ACSF3: variants seen among roughly 807,000 people sequenced by gnomAD.
ACSF3 encodes the protein acyl-CoA synthetase family member 3, also known as malonate--CoA ligase ACSF3, mitochondrial.
Under a neutral mutation model 53.2 loss-of-function variants are expected in ACSF3, and 78 were observed. The observed-to-expected ratio is 1.47, with a 90% confidence interval of 1.22 to 1.77. ACSF3 has a LOEUF of 1.77. Ranked by LOEUF, ACSF3 falls within the 40% of genes most tolerant of loss-of-function variation. ACSF3 has a pLI of 0.00. For synonymous variants in ACSF3, 414 were observed against 333.1 expected (o/e 1.24, Z -2.65); for missense variants, 937 against 771.1 (o/e 1.22, Z -2.55).
Position 89,101,145 on chromosome 16 carries a change from T to A in ACSF3, c.464T>A (p.Leu155His). 1 of 1,613,738 alleles carries A rather than the reference T, an allele frequency of 6.2e-7. No homozygotes were observed. Among genetic ancestry groups the A allele is most frequent in the Non-Finnish European group, 8.5e-7 (1 of 1,179,948 alleles). The change falls in exon 3 of 11, where the codon CTC (leucine) becomes CAC (histidine). Residue 155 changes from leucine (L) to histidine (H), a missense_variant. Transcript: ENST00000614302. ...VVLASQEYLE[L>H]LSPVVRKLGV... ...CTTGCCAGCCAGGAGTACCTGGAGCTCCTGAGCCCGGTGGTCAGGAAGCTG... is the reference window on the plus strand; with the variant it reads ...CTTGCCAGCCAGGAGTACCTGGAGCACCTGAGCCCGGTGGTCAGGAAGCTG...
rs183136020 is a variant in ACSF3 at position 89,116,088 on chromosome 16, T to C, written c.1126+1601T>C. On this transcript the variant is annotated intron_variant, in intron 6 of 10. Coordinates refer to ENST00000614302, the MANE Select transcript of ACSF3 (RefSeq NM_001243279.3). ...AGAGAATAGTTTCAGCTCTTACGTT[T>C]GGGACCATGATCCATTTTGAGTTAA... is the stretch of plus-strand genomic sequence containing the variant. Among the ~76,000 whole-genome samples, 443 of 152,332 alleles carry C rather than the reference T, an allele frequency of 2.9e-3. 2 individuals are homozygous for C. Among genetic ancestry groups the C allele is most frequent in the African/African-American group, 0.01 (422 of 41,574 alleles).
rs1470981612 is a variant in ACSF3, at chr16:89,098,607, C to T, written c.-177C>T. 1 of 452,586 alleles carries T rather than the reference C, an allele frequency of 2.2e-6. No homozygotes were observed. Among genetic ancestry groups the T allele is most frequent in the Non-Finnish European group, 4.4e-6 (1 of 225,416 alleles). 28.0% of individuals were successfully genotyped at this position (452,586 alleles called of 1,614,324 possible). A position where few individuals can be genotyped will look rare whatever the true frequency, so the allele number is the denominator to read the frequency against. On this transcript the variant is annotated 5_prime_UTR_variant, in exon 2 of 11. Transcript: ENST00000614302. ...CGTTGACAGGTGTCCCACCGGCCTT[C>T]CGGGTTCCAGCGCCAGGCCTGGTGC...
At position 89,120,817 on chromosome 16, in the gene ACSF3, A is replaced by G; in HGVS notation, c.1143A>G (p.Pro381=). Residue 381 remains proline (P), a synonymous_variant, in exon 7 of 11, where the codon CCA becomes CCG. Transcript: ENST00000614302. ...AVRLPGSVGT[P]LPGVQVRIVS... is the part of the protein sequence containing the mutation. ...CTCCTGTAGGTTCCGTGGGGACCCC[A>G]CTGCCTGGAGTACAGGTGCGCATTG... is the stretch of plus-strand genomic sequence containing the variant. 1 of 1,613,984 alleles carries G rather than the reference A, an allele frequency of 6.2e-7. No individual in the cohort carries two copies. Among genetic ancestry groups the G allele is most frequent in the East Asian group, 2.2e-5 (1 of 44,856 alleles).
At chr16:89,105,402 C>G (rs1975853120) in intron 4 of ACSF3, among the ~76,000 whole-genome samples, 1 of 152,212 alleles carries the variant, frequency 6.6e-6, no homozygotes, top group South Asian at 2.1e-4. Context: ...TGAACGTCTG[C>G]TGAGTCAAAG....
At position 89,154,260 on chromosome 16, in the gene ACSF3, C is replaced by A; in HGVS notation, c.*53C>A. Reference sequence around the variant, plus strand: ...TGGGGAGCAGCAGACGTCCCCTTCACACCGAGAACCACGGGGGCCCGTCCA... The same window carrying A: ...TGGGGAGCAGCAGACGTCCCCTTCAAACCGAGAACCACGGGGGCCCGTCCA... On this transcript the variant is annotated 3_prime_UTR_variant, in exon 11 of 11. Transcript: ENST00000614302. 6.5e-7 allele frequency: 1 copy of A among 1,550,240 alleles called. No individual in the cohort carries two copies. The highest frequency in any genetic ancestry group is 8.8e-7 in the Non-Finnish European group (1 of 1,130,666).
In ACSF3 at chr16:89,154,093, T is replaced by C. The variant is rs777157827; in HGVS notation, c.1617T>C (p.Asn539=). ...SHRELKEWAR[N]VLAPYAVPSE... ...CAGGCTGTGCTTGTCTCTGCAGAAA[T>C]GTCCTGGCCCCGTACGCGGTGCCCT... Residue 539 remains asparagine, a synonymous_variant, in exon 11 of 11, where the codon AAT becomes AAC. Transcript: ENST00000614302. The C allele has an allele frequency of 2.5e-6, 4 of 1,612,704 alleles. No homozygotes were observed. The highest frequency in any genetic ancestry group is 3.4e-6 in the Non-Finnish European group (4 of 1,179,556).
intron 10 of ACSF3, chr16:89,151,568 G>A (rs1359185214): frequency 9.5e-6 from 2 of 211,392 alleles, no homozygotes; most frequent in African/African-American, 2.4e-5. Context: ...GGAATAGAGG[G>A]TTACTTTCAT....
intron 7 of ACSF3, among the ~76,000 whole-genome samples, chr16:89,128,234 A>G (rs1448993059): frequency 1.3e-5 from 2 of 150,064 alleles, no homozygotes; most frequent in African/African-American, 2.4e-5. Flanking sequence ...CCAAATTTAT[A>G]TATAATATAT....
At chr16:89,135,584 C>T (rs571414205) in intron 8 of ACSF3, among the ~76,000 whole-genome samples, 9 of 152,236 alleles carry the variant, frequency 5.9e-5, no homozygotes, top group Non-Finnish European at 1.2e-4. Flanking sequence ...ACATCAAACA[C>T]TCCCTCCCAA....
intron 7 of ACSF3, among the ~76,000 whole-genome samples, chr16:89,126,092 G>C (rs936834949): frequency 4.0e-4 from 52 of 129,882 alleles, no homozygotes; most frequent in African/African-American, 1.5e-3. Context: ...TGAACATGGT[G>C]TGTCTCTCCA....
At chr16:89,138,474 C>T (rs75030790) in intron 8 of ACSF3, among the ~76,000 whole-genome samples, 8,336 of 152,308 alleles carry the variant, frequency 0.055, 663 homozygotes, top group East Asian at 0.37. Flanking sequence ...CCAGCCTCTG[C>T]GCCAAGGGTG....
Position 89,123,703 on chromosome 16 carries a change from A to G in ACSF3, c.1239+2790A>G, listed in dbSNP as rs116644905. Among the ~76,000 whole-genome samples the G allele has an allele frequency of 5.8e-4, 88 of 152,334 alleles. 1 individual carries two copies. Among genetic ancestry groups the G allele is most frequent in the African/African-American group, 2.1e-3 (87 of 41,560 alleles). On this transcript the variant is annotated intron_variant, in intron 7 of 10. Transcript: ENST00000614302. ...TAAGAGGCTTGGTGTCATATTTGTCAGGAAACAGAAAGTACCTGCAGAAAG... is the reference window on the plus strand; with the variant it reads ...TAAGAGGCTTGGTGTCATATTTGTCGGGAAACAGAAAGTACCTGCAGAAAG...
At chr16:89,127,887 C>T (rs1416317845) in intron 7 of ACSF3, among the ~76,000 whole-genome samples, 1 of 152,124 alleles carries the variant, frequency 6.6e-6, no homozygotes, top group Non-Finnish European at 1.5e-5. Flanking sequence ...CCCATCTTAA[C>T]CTTTTAATGG....
chr16:89,115,449 G>C (rs1003288132), intron 6 of ACSF3, among the ~76,000 whole-genome samples: 1 of 152,204 alleles, frequency 6.6e-6, no homozygotes, highest in Non-Finnish European at 1.5e-5. Context: ...GCTTCCGCCC[G>C]GCTTCCGCCC....
intron 8 of ACSF3, among the ~76,000 whole-genome samples, chr16:89,143,231 G>C (rs59511017): frequency 6.7e-6 from 1 of 149,246 alleles, no homozygotes; most frequent in Non-Finnish European, 1.5e-5. Context: ...AGCCCCGTGC[G>C]TAGCTGTGGT....
intron 6 of ACSF3, among the ~76,000 whole-genome samples, chr16:89,120,153 C>T (rs1398905705): frequency 6.6e-6 from 1 of 152,250 alleles, no homozygotes; most frequent in East Asian, 1.9e-4. Flanking sequence ...GCCACCTGGG[C>T]TCTGCCCCCA....
chr16:89,101,126 A>G lies in ACSF3; in HGVS notation c.445A>G (p.Ser149Gly). Reference protein sequence around the residue: ...CDSQSSVVLASQEYLELLSPV... With the variant: ...CDSQSSVVLAGQEYLELLSPV... The stretch of plus-strand genomic sequence containing the variant: ...CTCCCAGAGCTCTGTGGTCCTTGCC[A>G]GCCAGGAGTACCTGGAGCTCCTGAG... Residue 149 changes from serine to glycine, a missense_variant, in exon 3 of 11, where the codon AGC (serine) becomes GGC (glycine). Physicochemically the swap from Ser to Gly is moderately conservative, Grantham distance 56. Coordinates refer to ENST00000614302, the MANE Select transcript of ACSF3 (RefSeq NM_001243279.3). 1 of 1,614,060 alleles carries G rather than the reference A, an allele frequency of 6.2e-7. No homozygotes were observed. Among genetic ancestry groups the G allele is most frequent in the African/African-American group, 1.3e-5 (1 of 75,072 alleles).
At chr16:89,112,024 C>A in intron 4 of ACSF3, 68 bp from the exon 5 acceptor site, 1 of 154,658 alleles carries the variant, frequency 6.5e-6, no homozygotes, top group Non-Finnish European at 1.1e-5. Flanking sequence ...GTGCCTGGAG[C>A]CAGGAGCCTC....
chr16:89,100,630 G>A (rs2151404230), intron 2 of ACSF3, 32 bp from the exon 3 acceptor site: 1 of 971,772 alleles, frequency 1.0e-6, no homozygotes, highest in East Asian at 2.5e-5. Flanking sequence ...GGACAGTTGG[G>A]CACTCACGTC....
Sources: gnomAD v4.1 joint callset for allele counts (sites outside exome capture counted in the v4.1 genomes callset) on GRCh38, gnomAD v4.1.1 for gene constraint, MANE v1.5 for transcripts, NCBI Gene and HGNC (gene_info 2026-07-23, HGNC 2026-07-21) for gene names.